The following OSBPL10 variants were observed in gnomAD, a reference collection of about 807,000 sequenced individuals.
OSBPL10 encodes the protein oxysterol binding protein like 10, also known as oxysterol-binding protein-related protein 10.
A neutral mutation model predicts 81.7 loss-of-function variants in OSBPL10; 49 were observed. That is an observed-to-expected ratio of 0.60 (90% CI 0.48 to 0.76). The LOEUF is 0.76. Among genes scored for constraint, OSBPL10 ranks in the 30% least tolerant of loss-of-function variants. The pLI, the probability that OSBPL10 is intolerant of heterozygous loss-of-function variation, is 0.00. For synonymous variants in OSBPL10, 419 were observed against 383.6 expected (o/e 1.09, Z -1.08); for missense variants, 923 against 987.8 (o/e 0.93, Z 0.88).
At position 31,914,691 on chromosome 3, in the gene OSBPL10, T is replaced by G. The variant is rs192516346; in HGVS notation, c.282-34861A>C. ...ATGAAGACTAGAACTAGAACTCACT[T>G]GACCCACTACAAATGCCCAACTAGT... On this transcript the variant is annotated intron_variant, in intron 1 of 11. Transcript: ENST00000396556. Among the ~76,000 whole-genome samples the G allele has an allele frequency of 4.6e-4, 70 of 152,344 alleles. 1 individual carries two copies. The South Asian group carries it at 0.013, about 29-fold the overall frequency.
In OSBPL10 at chr3:31,666,228, T is replaced by C. The variant is rs577291236; in HGVS notation, c.2097-1996A>G. Among the ~76,000 whole-genome samples, 5 of 152,278 alleles carry C rather than the reference T, an allele frequency of 3.3e-5. No individual in the cohort carries two copies. In the East Asian group the frequency reaches 9.7e-4, roughly 29 times the overall value. On this transcript the variant is annotated intron_variant, in intron 10 of 11. Coordinates refer to ENST00000396556, the MANE Select transcript of OSBPL10 (RefSeq NM_017784.5). The stretch of plus-strand genomic sequence containing the variant: ...GCTCTGCCTTAAGTCATTGGGCCCC[T>C]GAGGGCTCTGGCCAAGGCAGAGTTT...
upstream of OSBPL10, among the ~76,000 whole-genome samples, chr3:31,982,480 T>G (rs1388263112): frequency 6.6e-6 from 1 of 152,060 alleles, no homozygotes; most frequent in Non-Finnish European, 1.5e-5. Flanking sequence ...AATGGAAAAG[T>G]CAGCTCTCAA....
At position 31,711,779 on chromosome 3, in the gene OSBPL10, A is replaced by G. The variant is rs538723630; in HGVS notation, c.1096-9271T>C. On this transcript the variant is annotated intron_variant, in intron 6 of 11. Transcript: ENST00000396556. ...ATGTTCTAAAATTGACTGTGGTGACAGTGACATACACCTGTAAATATACTA... is the reference window on the plus strand; with the variant it reads ...ATGTTCTAAAATTGACTGTGGTGACGGTGACATACACCTGTAAATATACTA... Among the ~76,000 whole-genome samples, 5 of 152,372 alleles carry G rather than the reference A, an allele frequency of 3.3e-5. No individual in the cohort carries two copies. In the South Asian group the frequency reaches 8.3e-4, roughly 25 times the overall value.
At chr3:32,024,467 T>G (rs555766423) in intron 2 of OSBPL10, among the ~76,000 whole-genome samples, 2 of 151,492 alleles carry the variant, frequency 1.3e-5, no homozygotes, top group South Asian at 2.1e-4. Flanking sequence ...TTTGATTTTA[T>G]TTACGTATTG....
intron 4 of OSBPL10, among the ~76,000 whole-genome samples, chr3:31,762,630 A>ATTTTTTTTTTTTT (rs56311731): frequency 0.026 from 1,620 of 61,394 alleles, 430 homozygotes; most frequent in Middle Eastern, 0.048. Context: ...CATGCCCAGC[A>ATTTTTTTTTTTTT]TTTTTTTTTT....
chr3:32,001,883 G>T (rs1699152057), intron 2 of OSBPL10, among the ~76,000 whole-genome samples: 1 of 152,114 alleles, frequency 6.6e-6, no homozygotes, highest in South Asian at 2.1e-4. Context: ...CCAACTCTTG[G>T]ACAATTTTTT....
chr3:31,885,111 A>G (rs1695696794), intron 1 of OSBPL10, among the ~76,000 whole-genome samples: 3 of 152,180 alleles, frequency 2.0e-5, no homozygotes, highest in Admixed American at 6.5e-5. Context: ...GCCTACTAAC[A>G]TCCTTCAGAT....
chr3:31,913,511 G>C (rs1031457899), intron 1 of OSBPL10, among the ~76,000 whole-genome samples: 1 of 152,170 alleles, frequency 6.6e-6, no homozygotes, highest in African/African-American at 2.4e-5. Flanking sequence ...GCCTCCCAAA[G>C]TGCTGGGATT....
At chr3:32,055,548 C>A (rs1256821814) in intron 1 of OSBPL10, among the ~76,000 whole-genome samples, 1 of 152,166 alleles carries the variant, frequency 6.6e-6, no homozygotes, top group Non-Finnish European at 1.5e-5. Flanking sequence ...TTATATTTCT[C>A]TCCACTTGAT....
intron 3 of OSBPL10, among the ~76,000 whole-genome samples, chr3:31,861,054 C>T (rs975397864): frequency 6.6e-6 from 1 of 152,042 alleles, no homozygotes; most frequent in Non-Finnish European, 1.5e-5. Flanking sequence ...ATATACATTG[C>T]TCTAACCTAC....
intron 5 of OSBPL10, among the ~76,000 whole-genome samples, chr3:31,746,238 C>T (rs1454955582): frequency 6.6e-6 from 1 of 152,124 alleles, no homozygotes; most frequent in Non-Finnish European, 1.5e-5. Flanking sequence ...TAGAGGTATC[C>T]TCATGAGGGG....
intron 1 of OSBPL10, among the ~76,000 whole-genome samples, chr3:31,965,469 A>AT (rs1168480192): frequency 9.4e-6 from 1 of 106,000 alleles, no homozygotes; most frequent in Non-Finnish European, 1.8e-5. Flanking sequence ...TTTATATAAT[A>AT]TATATTATAT....
At chr3:31,899,759 T>C (rs369941193) in intron 1 of OSBPL10, among the ~76,000 whole-genome samples, 126 of 152,210 alleles carry the variant, frequency 8.3e-4, no homozygotes, top group African/African-American at 2.9e-3. Flanking sequence ...GGCAGGAGAA[T>C]TGCTTAAAGT....
At chr3:31,870,414 C>T (rs1701290544) in intron 3 of OSBPL10, among the ~76,000 whole-genome samples, 1 of 152,370 alleles carries the variant, frequency 6.6e-6, no homozygotes, top group South Asian at 2.1e-4. Flanking sequence ...CCATGGGCTC[C>T]TGTGCGGCCC....
intron 1 of OSBPL10, among the ~76,000 whole-genome samples, chr3:31,910,226 G>A (rs560737666): frequency 7.0e-4 from 106 of 151,306 alleles, no homozygotes; most frequent in Non-Finnish European, 1.2e-3. Flanking sequence ...TGATCTGCCC[G>A]CCTCAGCCTC....
intron 2 of OSBPL10, among the ~76,000 whole-genome samples, chr3:32,026,588 C>G (rs553136190): frequency 6.6e-6 from 1 of 152,312 alleles, no homozygotes; most frequent in African/African-American, 2.4e-5. Context: ...AGGATGCCTC[C>G]TACCACACAC....
chr3:31,748,822 C>T (rs950263382), intron 4 of OSBPL10, among the ~76,000 whole-genome samples: 1 of 151,946 alleles, frequency 6.6e-6, no homozygotes, highest in Non-Finnish European at 1.5e-5. Context: ...CAAAGACAAA[C>T]AGTAGTCTAA....
At chr3:31,759,582 G>A (rs116480308) in intron 4 of OSBPL10, among the ~76,000 whole-genome samples, 294 of 151,942 alleles carry the variant, frequency 1.9e-3, no homozygotes, top group African/African-American at 6.1e-3. Context: ...TATATATATG[G>A]CCAACCCTTA....
At position 31,702,418 on chromosome 3, in the gene OSBPL10, G is replaced by C; in HGVS notation, c.1186C>G (p.Gln396Glu). The C allele has an allele frequency of 6.2e-7, 1 of 1,614,154 alleles. No homozygotes were observed. The highest frequency in any genetic ancestry group is 1.1e-5 in the South Asian group (1 of 91,082). The change falls in exon 7 of 12, where the codon CAG (glutamine) becomes GAG (glutamate). Residue 396 changes from glutamine to glutamate, a missense_variant. Transcript: ENST00000396556. Reference sequence around the variant, plus strand: ...ATGAGATGAAGAATTATACTACGCTGATCCTCCATGACGCCCAATTCCGTC... The same window carrying C: ...ATGAGATGAAGAATTATACTACGCTCATCCTCCATGACGCCCAATTCCGTC... ...EETELGVMEDQRSIILHLISQ... is the reference protein window; with the variant it reads ...EETELGVMEDERSIILHLISQ...
Sources: allele counts gnomAD v4.1 joint callset (sites outside exome capture counted in the v4.1 genomes callset), GRCh38; gene constraint gnomAD v4.1.1; transcripts MANE v1.5; gene names NCBI Gene and HGNC (gene_info 2026-07-23, HGNC 2026-07-21).